The following TMEM38B variants were observed in gnomAD, a reference collection of about 807,000 sequenced individuals.
The protein encoded by TMEM38B is transmembrane protein 38B.
Under a neutral mutation model 28.7 loss-of-function variants are expected in TMEM38B, and 24 were observed. The ratio of observed to expected loss-of-function variants is 0.84; its 90% confidence interval spans 0.61 to 1.18. TMEM38B has a LOEUF of 1.18. TMEM38B is among the 50% of genes most tolerant of loss of function. The pLI, the probability that TMEM38B is intolerant of heterozygous loss-of-function variation, is 0.00. For missense variants in TMEM38B, 380 were observed against 350.9 expected, an observed-to-expected ratio of 1.08 and a Z score of -0.66; for synonymous variants, 131 against 127.7, an observed-to-expected ratio of 1.03 and a Z score of -0.17.
chr9:105,731,119 T>C (rs1200794250), intron 4 of TMEM38B, among the ~76,000 whole-genome samples: 1 of 152,184 alleles, frequency 6.6e-6, no homozygotes, highest in East Asian at 1.9e-4. Flanking sequence ...TTTGAATGTG[T>C]TTGCTCTTGC....
chr9:105,718,605 T>G (rs186703341), intron 2 of TMEM38B, among the ~76,000 whole-genome samples: 1 of 152,302 alleles, frequency 6.6e-6, no homozygotes, highest in African/African-American at 2.4e-5. Flanking sequence ...CAAGGTAATC[T>G]TTAGTACAGT....
intron 4 of TMEM38B, among the ~76,000 whole-genome samples, chr9:105,732,106 T>C (rs2133593031): frequency 6.6e-6 from 1 of 152,346 alleles, no homozygotes; most frequent in Admixed American, 6.5e-5. Flanking sequence ...AAAAGTCTTC[T>C]TTTGAGAAGT....
At position 105,774,184 on chromosome 9, in the gene TMEM38B, A is replaced by T; in HGVS notation, c.*104A>T. On this transcript the variant is annotated 3_prime_UTR_variant, in exon 6 of 6. Transcript: ENST00000374692. Reference sequence around the variant, plus strand: ...GTGATGTGAAATGAAGACTATATATATGGAATGGAGGTGACAGAAAGAAAG... The same window carrying T: ...GTGATGTGAAATGAAGACTATATATTTGGAATGGAGGTGACAGAAAGAAAG... 1.1e-6 allele frequency: 1 copy of T among 911,594 alleles called. No homozygotes were observed. Among genetic ancestry groups the T allele is most frequent in the African/African-American group, 1.7e-5 (1 of 59,490 alleles). The allele number at this position is 911,594 out of a possible 1,614,324, so 56.5% of individuals were successfully genotyped here.
chr9:105,728,510 C>A (rs369781728), intron 4 of TMEM38B, among the ~76,000 whole-genome samples: 3 of 152,074 alleles, frequency 2.0e-5, no homozygotes, highest in African/African-American at 4.8e-5. Context: ...TTGGTTGGTT[C>A]CAAGTCTTTG....
At chr9:105,733,775 CTTA>C (rs1000389298) in intron 4 of TMEM38B, among the ~76,000 whole-genome samples, 46 of 151,954 alleles carry the variant, frequency 3.0e-4, no homozygotes, top group African/African-American at 1.1e-3. Context: ...ATAGTAGTTG[CTTA>C]TTATTCTTTT....
chr9:105,697,210 G>C (rs894097478), intron 1 of TMEM38B, among the ~76,000 whole-genome samples: 1 of 152,112 alleles, frequency 6.6e-6, no homozygotes. Flanking sequence ...CTGCACTTTT[G>C]TGTAAGCTGT....
chr9:105,753,612 A>C (rs1837733021), intron 5 of TMEM38B, among the ~76,000 whole-genome samples: 1 of 152,218 alleles, frequency 6.6e-6, no homozygotes, highest in Non-Finnish European at 1.5e-5. Flanking sequence ...AGACAAGCAA[A>C]TGCCGAGGGA....
At position 105,735,491 on chromosome 9, in the gene TMEM38B, C is replaced by CTCAGCTTTTGCTTA. The variant is rs1398932196; in HGVS notation, c.543-12579_543-12566dup. ...GACTGGTCTAGTGGTGATGAATTCC[C>CTCAGCTTTTGCTTA]TCAGCTTTTGCTTATCTGGGAAGGT... On this transcript the variant is annotated intron_variant, in intron 4 of 5. Transcript: ENST00000374692. 3.9e-5 allele frequency among the ~76,000 whole-genome samples: 6 copies of CTCAGCTTTTGCTTA among 152,236 alleles called. No homozygotes were observed. The East Asian group carries it at 1.2e-3, about 29-fold the overall frequency.
Position 105,747,972 on chromosome 9 carries a change from T to C in TMEM38B, c.543-101T>C, listed in dbSNP as rs1397370326. The C allele has an allele frequency of 4.0e-6, 3 of 759,476 alleles. No individual in the cohort carries two copies. The African/African-American group carries it at 5.2e-5, about 13-fold the overall frequency. The allele number at this position is 759,476 out of a possible 1,614,324, so 47.0% of individuals were successfully genotyped here. ...AAAACTCATTTTTGCATTACATCTA[T>C]TAATAACCCATTAAGTTAATGTTTT... On this transcript the variant is annotated intron_variant, in intron 4 of 5. Coordinates refer to ENST00000374692, the MANE Select transcript of TMEM38B (RefSeq NM_018112.3).
intron 5 of TMEM38B, among the ~76,000 whole-genome samples, chr9:105,765,616 G>A (rs1216500311): frequency 6.6e-6 from 1 of 152,002 alleles, no homozygotes; most frequent in Non-Finnish European, 1.5e-5. Flanking sequence ...TTTTGTTTTT[G>A]AGATTTATCC....
At chr9:105,729,889 G>T (rs1836666535) in intron 4 of TMEM38B, among the ~76,000 whole-genome samples, 2 of 151,916 alleles carry the variant, frequency 1.3e-5, no homozygotes, top group African/African-American at 4.8e-5. Flanking sequence ...GTCTGTTCTT[G>T]GTGTACAGGA....
chr9:105,754,383 G>C (rs936886849), intron 5 of TMEM38B, among the ~76,000 whole-genome samples: 1 of 152,114 alleles, frequency 6.6e-6, no homozygotes, highest in African/African-American at 2.4e-5. Context: ...CACATAATTG[G>C]AAGTAAAACA....
chr9:105,727,035 A>G (rs940718809), intron 4 of TMEM38B, among the ~76,000 whole-genome samples: 2 of 152,248 alleles, frequency 1.3e-5, no homozygotes, highest in Non-Finnish European at 2.9e-5. Flanking sequence ...CATATTCATC[A>G]TCTCACATAG....
At chr9:105,700,356 C>T (rs914997213) in intron 1 of TMEM38B, among the ~76,000 whole-genome samples, 2 of 152,142 alleles carry the variant, frequency 1.3e-5, no homozygotes, top group African/African-American at 4.8e-5. Flanking sequence ...ACTGGGAGAA[C>T]ATTTCAGTAT....
At position 105,773,984 on chromosome 9, in the gene TMEM38B, A is replaced by G; in HGVS notation, c.780A>G (p.Ala260=). The change falls in exon 6 of 6, where the codon GCA becomes GCG. Residue 260 remains alanine (A), a synonymous_variant. Transcript: ENST00000374692. The stretch of plus-strand genomic sequence containing the variant: ...CATCATGTGAGAAGAAAAGTGAAGC[A>G]AAGTCACCTTCCAATGGCGTTGGGT... ...PFSSCEKKSE[A]KSPSNGVGSL... is the part of the protein sequence containing the mutation. 2.5e-6 allele frequency: 4 copies of G among 1,613,850 alleles called. No homozygotes were observed. Among genetic ancestry groups the G allele is most frequent in the Non-Finnish European group, 1.7e-6 (2 of 1,179,832 alleles).
intron 5 of TMEM38B, among the ~76,000 whole-genome samples, chr9:105,752,251 C>T (rs111740384): frequency 1.6e-3 from 247 of 152,250 alleles, no homozygotes; most frequent in African/African-American, 4.7e-3. Context: ...TCTAGGCTGC[C>T]GGCTTTGGAA....
At chr9:105,766,322 A>G (rs902673967) in intron 5 of TMEM38B, among the ~76,000 whole-genome samples, 3 of 152,128 alleles carry the variant, frequency 2.0e-5, no homozygotes, top group Non-Finnish European at 4.4e-5. Flanking sequence ...GTATGAAGTG[A>G]TATCGCATTA....
intron 1 of TMEM38B, among the ~76,000 whole-genome samples, chr9:105,698,009 G>A (rs1011349706): frequency 6.6e-6 from 1 of 152,130 alleles, no homozygotes; most frequent in Non-Finnish European, 1.5e-5. Context: ...AGCAGAGTAT[G>A]CTCTATGCTC....
At chr9:105,701,367 G>C (rs1469319742) in intron 1 of TMEM38B, 1 of 152,152 alleles carries the variant, frequency 6.6e-6, no homozygotes, top group Non-Finnish European at 1.5e-5. Context: ...TTCTCAATGT[G>C]ATCAAAATCT....
Sources: gnomAD v4.1 joint callset for allele counts (sites outside exome capture counted in the v4.1 genomes callset) on GRCh38, gnomAD v4.1.1 for gene constraint, MANE v1.5 for transcripts, NCBI Gene and HGNC (gene_info 2026-07-23, HGNC 2026-07-21) for gene names.